The following ZNF675 variants were observed in gnomAD, a reference collection of about 807,000 sequenced individuals.
The protein encoded by ZNF675 is zinc finger protein 675, also known as TRAF6 inhibitory zinc finger.
Under a neutral mutation model 56.1 loss-of-function variants are expected in ZNF675, and 36 were observed. The ratio of observed to expected loss-of-function variants is 0.64; its 90% CI spans 0.49 to 0.85. The LOEUF (loss-of-function observed/expected upper bound fraction) is 0.85. Ranked by LOEUF, ZNF675 falls within the 40% of genes least tolerant of loss-of-function variation. The pLI is 0.00. For synonymous variants in ZNF675, 200 were observed against 218.9 expected (o/e 0.91, Z 0.76); for missense variants, 663 against 654.2 (o/e 1.01, Z -0.15).
chr19:23,657,976 T>G (rs28520981), intron 3 of ZNF675, among the ~76,000 whole-genome samples: 38,037 of 151,968 alleles, frequency 0.25, 5,444 homozygotes, highest in East Asian at 0.54. Flanking sequence ...GATGTCAAAC[T>G]GAAAAAACAC....
In ZNF675 at chr19:23,653,600, G is replaced by A. The variant is rs754466855; in HGVS notation, c.1333C>T (p.Leu445Phe). The A allele has an allele frequency of 6.5e-7, 1 of 1,542,170 alleles. No individual in the cohort carries two copies. Among genetic ancestry groups the A allele is most frequent in the Non-Finnish European group, 8.7e-7 (1 of 1,145,956 alleles). ...RSSKLTEHKK[L>F]HTGKKPYKCE... ...TTGTAGGGTTTCTTTCCAGTATGAA[G>A]TTTCTTATGTTCAGTAAGTTTTGAG... is the stretch of plus-strand genomic sequence containing the variant. Residue 445 changes from leucine to phenylalanine, a missense_variant, in exon 4 of 4, where the codon CTT becomes TTT. Leu to Phe is a conservative substitution (Grantham distance 22). Transcript: ENST00000359788.
chr19:23,667,188 G>C (rs1313250344), intron 1 of ZNF675, among the ~76,000 whole-genome samples: 6 of 152,030 alleles, frequency 3.9e-5, no homozygotes, highest in Non-Finnish European at 8.8e-5. Flanking sequence ...AGTGCATCTG[G>C]AGTTGTTTGT....
chr19:23,669,957 G>C (rs1008244380), intron 1 of ZNF675, among the ~76,000 whole-genome samples: 4 of 152,062 alleles, frequency 2.6e-5, no homozygotes, highest in African/African-American at 9.7e-5. Flanking sequence ...AGAGCCATCT[G>C]ACAGACTAAG....
chr19:23,666,951 T>G (rs964468941), intron 1 of ZNF675, among the ~76,000 whole-genome samples: 4 of 152,130 alleles, frequency 2.6e-5, no homozygotes, highest in African/African-American at 9.7e-5. Context: ...TTTGTCCTTT[T>G]TCTGAGACTG....
intron 2 of ZNF675, among the ~76,000 whole-genome samples, 166 bp downstream of exon 2, chr19:23,662,866 C>T (rs563503158): frequency 1.2e-4 from 18 of 152,230 alleles, no homozygotes; most frequent in Admixed American, 3.9e-4. Flanking sequence ...CGCCTGTAGT[C>T]CCAGCTACTT....
chr19:23,661,974 G>T, intron 3 of ZNF675, 140 bp downstream of exon 3: 2 of 651,828 alleles, frequency 3.1e-6, no homozygotes, highest in Admixed American at 2.5e-5. Context: ...AAATGTGAGA[G>T]CATAAAATAC....
At chr19:23,662,723 T>G (rs1390484496) in intron 2 of ZNF675, among the ~76,000 whole-genome samples, 2 of 152,184 alleles carry the variant, frequency 1.3e-5, no homozygotes, top group Admixed American at 1.3e-4. Context: ...CTCACACCAG[T>G]AATCCCAGCA....
chr19:23,684,223 C>A (rs2144802068), intron 1 of ZNF675, among the ~76,000 whole-genome samples: 1 of 150,398 alleles, frequency 6.6e-6, no homozygotes, highest in South Asian at 2.1e-4. Flanking sequence ...GATCATGTCA[C>A]TGCACTCCAG....
At chr19:23,683,365 G>C (rs939812771) in intron 1 of ZNF675, among the ~76,000 whole-genome samples, 3 of 149,954 alleles carry the variant, frequency 2.0e-5, no homozygotes, top group African/African-American at 2.5e-5. Context: ...ATGTTTTCAT[G>C]AATCTATGTA....
chr19:23,678,014 C>T lies in ZNF675; in HGVS notation c.3+9017G>A, dbSNP rs1283424561. 2.0e-5 allele frequency among the ~76,000 whole-genome samples: 3 copies of T among 151,090 alleles called. No individual in the cohort carries two copies. The East Asian group carries it at 5.9e-4, about 30-fold the overall frequency. On this transcript the variant is annotated intron_variant, in intron 1 of 3. Coordinates refer to ENST00000359788, the MANE Select transcript of ZNF675 (RefSeq NM_138330.3). ...GCATGCCTGCAATCCCAGCTACTCGCGAGTCTGAGGCAGATGAATCACTTG... is the reference window on the plus strand; with the variant it reads ...GCATGCCTGCAATCCCAGCTACTCGTGAGTCTGAGGCAGATGAATCACTTG...
chr19:23,658,860 GA>G (rs1383384565), intron 3 of ZNF675, among the ~76,000 whole-genome samples: 3 of 4,148 alleles, frequency 7.2e-4, no homozygotes, highest in African/African-American at 2.3e-3. Flanking sequence ...TATAGATATA[GA>G]AATAGATCTA....
At chr19:23,685,822 A>T (rs1401458325) in intron 1 of ZNF675, among the ~76,000 whole-genome samples, 1 of 152,196 alleles carries the variant, frequency 6.6e-6, no homozygotes, top group Non-Finnish European at 1.5e-5. Context: ...TTTTACTGCA[A>T]GTCATAGTTA....
intron 3 of ZNF675, chr19:23,656,969 C>G (rs934175059): frequency 1.3e-5 from 2 of 152,126 alleles, no homozygotes; most frequent in African/African-American, 4.8e-5. Context: ...GGTTCTCACT[C>G]TGTCATTCAA....
At chr19:23,677,067 ACTGT>A (rs1403714891) in intron 1 of ZNF675, among the ~76,000 whole-genome samples, 3 of 132,342 alleles carry the variant, frequency 2.3e-5, no homozygotes, top group Admixed American at 1.7e-4. Flanking sequence ...ACAGTGCAAG[ACTGT>A]CTCAGAAAAA....
intron 1 of ZNF675, among the ~76,000 whole-genome samples, chr19:23,664,136 T>C (rs373537791): frequency 6.6e-6 from 1 of 151,804 alleles, no homozygotes; most frequent in Non-Finnish European, 1.5e-5. Context: ...AGTTTGCAAG[T>C]ACTAAACGCA....
intron 3 of ZNF675, among the ~76,000 whole-genome samples, chr19:23,660,992 C>A (rs1349823593): frequency 6.7e-6 from 1 of 148,920 alleles, no homozygotes; most frequent in African/African-American, 2.5e-5. Flanking sequence ...TGCAGTGGCA[C>A]AAACTTGGCT....
At chr19:23,684,592 C>T (rs1055244621) in intron 1 of ZNF675, among the ~76,000 whole-genome samples, 4 of 151,952 alleles carry the variant, frequency 2.6e-5, no homozygotes, top group Admixed American at 1.3e-4. Flanking sequence ...TGCCATGAGC[C>T]GAGATGGCAC....
chr19:23,653,868 A>C lies in ZNF675; in HGVS notation c.1065T>G (p.Leu355=). 1.2e-6 allele frequency: 2 copies of C among 1,613,836 alleles called. No homozygotes were observed. The highest frequency in any genetic ancestry group is 1.3e-5 in the African/African-American group (1 of 75,038). Reference sequence around the variant, plus strand: ...CAGTATGAATGTTTTTATGTTCAGTAAGTTTTGAGGATCGGTTAAAAGCTT... The same window carrying C: ...CAGTATGAATGTTTTTATGTTCAGTCAGTTTTGAGGATCGGTTAAAAGCTT... ...CGKAFNRSSK[L]TEHKNIHTGE... is the part of the protein sequence containing the mutation. The change falls in exon 4 of 4, where the codon CTT becomes CTG. Residue 355 remains leucine, a synonymous_variant. Transcript: ENST00000359788.
Position 23,687,131 on chromosome 19 carries a change from A to C in ZNF675, c.-98T>G. On this transcript the variant is annotated 5_prime_UTR_variant, in exon 1 of 4. Coordinates refer to ENST00000359788, the MANE Select transcript of ZNF675 (RefSeq NM_138330.3). ...GGCTGGACCTCTAGGAGCAGAGGAC[A>C]CAGAGCAATGAAAGCGAGACCTGGA... 1.3e-6 allele frequency: 2 copies of C among 1,488,736 alleles called. No homozygotes were observed. Among genetic ancestry groups the C allele is most frequent in the Non-Finnish European group, 1.9e-6 (2 of 1,072,192 alleles). 92.2% of individuals were successfully genotyped at this position (1,488,736 alleles called of 1,614,324 possible).
Sources: allele counts gnomAD v4.1 joint callset (sites outside exome capture counted in the v4.1 genomes callset), GRCh38; gene constraint gnomAD v4.1.1; transcripts MANE v1.5; gene names NCBI Gene and HGNC (gene_info 2026-07-23, HGNC 2026-07-21).